Variants in AMER1 observed in about 807,000 individuals in gnomAD.
AMER1 encodes the protein RP11-403E24.2.
In AMER1, 16 loss-of-function variants were observed where a neutral mutation model predicts 53.0. The ratio of observed to expected loss-of-function variants is 0.30; its 90% CI spans 0.20 to 0.46. The LOEUF (loss-of-function observed/expected upper bound fraction) is 0.46. Among genes scored for constraint, AMER1 ranks in the 20% least tolerant of loss-of-function variants. AMER1 has a pLI of 1.00. For missense variants in AMER1, 947 were observed against 884.9 expected (o/e 1.07, Z -0.89); for synonymous variants, 354 against 331.9 (o/e 1.07, Z -0.73).
intron 1 of AMER1, among the ~76,000 whole-genome samples, chrX:64,193,950 T>C (rs1930312626): frequency 1.8e-5 from 2 of 111,848 alleles, no homozygotes; most frequent in Admixed American, 1.9e-4. Context: ...ATCCAAAGCT[T>C]CCTAAATTGC....
Position 64,186,795 on chromosome X carries a change from C to T in AMER1, c.*3084G>A. ...GTGCTTCCTTGGAGACTCTAAAGCA[C>T]CAAGAAACTGGCATCCTGGCCCTGG... On this transcript the variant is annotated 3_prime_UTR_variant, in exon 2 of 2. Coordinates refer to ENST00000374869, the MANE Select transcript of AMER1 (RefSeq NM_152424.4). 1 of 774,318 alleles carries T rather than the reference C, an allele frequency of 1.3e-6. No individual in the cohort carries two copies. The highest frequency in any genetic ancestry group is 1.5e-6 in the Non-Finnish European group (1 of 650,902). The allele number at this position is 774,318 out of a possible 1,213,427, so 63.8% of individuals were successfully genotyped here.
chrX:64,194,843 G>T (rs1470568814), intron 1 of AMER1, among the ~76,000 whole-genome samples: 2 of 111,600 alleles, frequency 1.8e-5, no homozygotes, highest in East Asian at 5.6e-4. Flanking sequence ...TGGAGCCCCT[G>T]GTTCTGTCTT....
intron 1 of AMER1, among the ~76,000 whole-genome samples, chrX:64,201,478 CA>C (rs1930488418): frequency 9.1e-6 from 1 of 109,946 alleles, no homozygotes; most frequent in African/African-American, 3.3e-5. Context: ...CACACACACA[CA>C]CACACACACA....
Position 64,191,655 on chromosome X carries a change from G to C in AMER1, c.1632C>G (p.Pro544=), listed in dbSNP as rs1326992551. Residue 544 remains proline (P), a synonymous_variant, in exon 2 of 2, where the codon CCC becomes CCG. Coordinates refer to ENST00000374869, the MANE Select transcript of AMER1 (RefSeq NM_152424.4). ...CCCCAGGTGGCCGGGAGGACAAAAA[G>C]GGCTCAAAGTTTAAGAAGGGGTCAA... The part of the protein sequence containing the change: ...EMFDPFLNFE[P]FLSSRPPGAM... 2 of 1,210,919 alleles carry C rather than the reference G, an allele frequency of 1.7e-6. No individual in the cohort carries two copies. The highest frequency in any genetic ancestry group is 2.2e-5 in the Admixed American group (1 of 45,970).
chrX:64,201,681 T>C (rs950869320), intron 1 of AMER1, among the ~76,000 whole-genome samples: 1 of 111,986 alleles, frequency 8.9e-6, no homozygotes, highest in Non-Finnish European at 1.9e-5. Context: ...GGACATTCTC[T>C]CTTCTAGCCT....
intron 1 of AMER1, among the ~76,000 whole-genome samples, chrX:64,198,480 A>G (rs1412325579): frequency 9.0e-6 from 1 of 111,697 alleles, no homozygotes; most frequent in Non-Finnish European, 1.9e-5. Flanking sequence ...TGAAATGGTG[A>G]CAGAGCCACA....
In AMER1 at chrX:64,192,170, C is replaced by T. The variant is rs1371092969; in HGVS notation, c.1117G>A (p.Ala373Thr). 1 of 1,211,653 alleles carries T rather than the reference C, an allele frequency of 8.3e-7. No individual in the cohort carries two copies. The highest frequency in any genetic ancestry group is 1.1e-6 in the Non-Finnish European group (1 of 895,259). ...TCCTCGTCATCATCATCTGGCAAGG[C>T]CATCTCCTCCCCACCTCCTTGGTAG... is the stretch of plus-strand genomic sequence containing the variant. ...VTYQGGGEEM[A>T]LPDDDDEEEE... is the part of the protein sequence containing the mutation. Residue 373 changes from alanine to threonine, a missense_variant, in exon 2 of 2, where the codon GCC becomes ACC. Ala to Thr is a moderately conservative substitution (Grantham distance 58). Transcript: ENST00000374869.
At position 64,187,561 on chromosome X, in the gene AMER1, G is replaced by C. The variant is rs1029816681; in HGVS notation, c.*2318C>G. 87 of 776,955 alleles carry C rather than the reference G, an allele frequency of 1.1e-4. No homozygotes were observed. Among genetic ancestry groups the C allele is most frequent in the Non-Finnish European group, 1.3e-4 (84 of 653,039 alleles). The allele number at this position is 776,955 out of a possible 1,213,427, so 64.0% of individuals were successfully genotyped here. ...CACCTCCTTTTTCTCTTCCCAGATA[G>C]GCTGGTGGCCCTTCTCCAGCAGGGT... On this transcript the variant is annotated 3_prime_UTR_variant, in exon 2 of 2. Coordinates refer to ENST00000374869, the MANE Select transcript of AMER1 (RefSeq NM_152424.4).
At position 64,188,635 on chromosome X, in the gene AMER1, A is replaced by C; in HGVS notation, c.*1244T>G. 1.2e-6 allele frequency: 1 copy of C among 800,343 alleles called. No homozygotes were observed. The highest frequency in any genetic ancestry group is 1.5e-6 in the Non-Finnish European group (1 of 667,562). The allele number at this position is 800,343 out of a possible 1,213,427, so 66.0% of individuals were successfully genotyped here. A position where few individuals can be genotyped will look rare whatever the true frequency, so the allele number is the denominator to read the frequency against. On this transcript the variant is annotated 3_prime_UTR_variant, in exon 2 of 2. Transcript: ENST00000374869. ...CCTGGGGCCTTATTACAGAGTCCAA[A>C]TGATGGGATGGGCAAGGCTTAAGGA...
In AMER1 at chrX:64,190,957, G is replaced by A. The variant is rs1930232059; in HGVS notation, c.2330C>T (p.Thr777Ile). The A allele has an allele frequency of 2.5e-6, 3 of 1,209,600 alleles. No individual in the cohort carries two copies. Among genetic ancestry groups the A allele is most frequent in the South Asian group, 3.5e-5 (2 of 56,668 alleles). Residue 777 changes from threonine (T) to isoleucine (I), a missense_variant, in exon 2 of 2, where the codon ACC becomes ATC. Coordinates refer to ENST00000374869, the MANE Select transcript of AMER1 (RefSeq NM_152424.4). ...VSFSQALVEF[T>I]SNGNLFSSMS... Reference sequence around the variant, plus strand: ...GCTGGAAAAGAGGTTCCCATTGCTGGTGAACTCTACCAGGGCCTGTGAGAA... The same window carrying A: ...GCTGGAAAAGAGGTTCCCATTGCTGATGAACTCTACCAGGGCCTGTGAGAA...
Position 64,185,733 on chromosome X carries a change from T to G in AMER1, c.*4146A>C. The G allele has an allele frequency of 1.1e-5, 2 of 176,638 alleles. No individual in the cohort carries two copies. The highest frequency in any genetic ancestry group is 2.1e-5 in the Non-Finnish European group (2 of 93,893). The allele number at this position is 176,638 out of a possible 1,213,427, so 14.6% of individuals were successfully genotyped here. Reference sequence around the variant, plus strand: ...CAAAGCAGCAAGAGGGGTGAAGGAGTTCCCCAAAGCCTCTCTTCTGGGAAA... The same window carrying G: ...CAAAGCAGCAAGAGGGGTGAAGGAGGTCCCCAAAGCCTCTCTTCTGGGAAA... On this transcript the variant is annotated 3_prime_UTR_variant, in exon 2 of 2. Transcript: ENST00000374869.
intron 1 of AMER1, among the ~76,000 whole-genome samples, chrX:64,195,468 G>A (rs1443218044): frequency 1.8e-5 from 2 of 112,134 alleles, no homozygotes; most frequent in Non-Finnish European, 1.9e-5. Context: ...AGTCCTATAT[G>A]TAACAGTCTG....
chrX:64,185,555 G>T lies in AMER1; in HGVS notation c.*4324C>A, dbSNP rs1930087783. The stretch of plus-strand genomic sequence containing the variant: ...CCCTCACACATATACATACCATGTG[G>T]ATTTTCTTCTTTGGAGTGACTATAG... On this transcript the variant is annotated 3_prime_UTR_variant, in exon 2 of 2. Transcript: ENST00000374869. 1 of 166,830 alleles carries T rather than the reference G, an allele frequency of 6.0e-6. No homozygotes were observed. The highest frequency in any genetic ancestry group is 3.1e-5 in the African/African-American group (1 of 32,220). The allele number at this position is 166,830 out of a possible 1,213,427, so 13.7% of individuals were successfully genotyped here.
intron 1 of AMER1, among the ~76,000 whole-genome samples, 200 bp downstream of exon 1, chrX:64,205,370 C>T (rs1448889279): frequency 6.9e-5 from 6 of 87,496 alleles, no homozygotes; most frequent in African/African-American, 2.6e-4. Flanking sequence ...CAGCCGTGGT[C>T]GCTTGTGCCC....
Position 64,187,294 on chromosome X carries a change from C to T in AMER1, c.*2585G>A. 1 of 789,670 alleles carries T rather than the reference C, an allele frequency of 1.3e-6. No homozygotes were observed. The highest frequency in any genetic ancestry group is 1.5e-6 in the Non-Finnish European group (1 of 660,504). The allele number at this position is 789,670 out of a possible 1,213,427, so 65.1% of individuals were successfully genotyped here. A position where few individuals can be genotyped will look rare whatever the true frequency, so the allele number is the denominator to read the frequency against. ...CTGCTTCTGCAGCCACATATCCTGGCTGCCCCACTTCAGGTGGTAAGGATC... is the reference window on the plus strand; with the variant it reads ...CTGCTTCTGCAGCCACATATCCTGGTTGCCCCACTTCAGGTGGTAAGGATC... On this transcript the variant is annotated 3_prime_UTR_variant, in exon 2 of 2. Coordinates refer to ENST00000374869, the MANE Select transcript of AMER1 (RefSeq NM_152424.4).
chrX:64,205,287 C>A (rs980350777), intron 1 of AMER1, among the ~76,000 whole-genome samples: 8 of 98,918 alleles, frequency 8.1e-5, no homozygotes, highest in East Asian at 2.9e-4. Flanking sequence ...CCCATCCCCG[C>A]CCCCCCGAAA....
intron 1 of AMER1, among the ~76,000 whole-genome samples, chrX:64,203,840 C>T (rs1374040973): frequency 9.0e-6 from 1 of 111,514 alleles, no homozygotes; most frequent in Non-Finnish European, 1.9e-5. Context: ...TGCCCAGCTG[C>T]AAGTAGAGGT....
intron 1 of AMER1, among the ~76,000 whole-genome samples, chrX:64,201,752 G>T (rs1602072402): frequency 8.9e-6 from 1 of 112,384 alleles, no homozygotes; most frequent in Non-Finnish European, 1.9e-5. Flanking sequence ...GGTTCTACCT[G>T]CCAGGCTTGC....
rs1015674388 is a variant in AMER1 at position 64,189,221 on chromosome X, T to C, written c.*658A>G. Reference sequence around the variant, plus strand: ...TCTAAGGACAGCTAGCTGGGATGAATAGCTTATAGTCATCTGATATAATGA... The same window carrying C: ...TCTAAGGACAGCTAGCTGGGATGAACAGCTTATAGTCATCTGATATAATGA... On this transcript the variant is annotated 3_prime_UTR_variant, in exon 2 of 2. Transcript: ENST00000374869. The C allele has an allele frequency of 6.2e-5, 49 of 795,417 alleles. No individual in the cohort carries two copies. The highest frequency in any genetic ancestry group is 6.9e-5 in the Non-Finnish European group (46 of 665,739). 65.6% of individuals were successfully genotyped at this position (795,417 alleles called of 1,213,427 possible).
Sources: gnomAD v4.1 joint callset for allele counts (sites outside exome capture counted in the v4.1 genomes callset) on GRCh38, gnomAD v4.1.1 for gene constraint, MANE v1.5 for transcripts, NCBI Gene and HGNC (gene_info 2026-07-23, HGNC 2026-07-21) for gene names.